The following CRACD variants were observed in gnomAD, a reference collection of about 807,000 sequenced individuals.
CRACD encodes capping protein-inhibiting regulator of actin dynamics.
In CRACD, 56 loss-of-function variants were observed where a neutral mutation model predicts 106.8. That is an observed-to-expected ratio of 0.52 (90% CI 0.42 to 0.66). CRACD has a LOEUF of 0.66. CRACD is among the 30% of genes least tolerant of loss of function. The pLI, the probability that CRACD is intolerant of heterozygous loss-of-function variation, is 0.00. For synonymous variants in CRACD, 754 were observed against 670.8 expected (o/e 1.12, Z -1.92); for missense variants, 1,730 against 1,623.2 (o/e 1.07, Z -1.13).
At chr4:56,176,518 TC>T (rs1228777089) in intron 1 of CRACD, among the ~76,000 whole-genome samples, 1 of 147,964 alleles carries the variant, frequency 6.8e-6, no homozygotes, top group Non-Finnish European at 1.5e-5. Flanking sequence ...AAGCTCCACC[TC>T]CCAGGTTCAC....
intron 1 of CRACD, among the ~76,000 whole-genome samples, chr4:56,156,403 C>T (rs1735765496): frequency 1.3e-5 from 2 of 152,200 alleles, no homozygotes; most frequent in Non-Finnish European, 2.9e-5. Flanking sequence ...CACAGGAGAT[C>T]TGACTTTACC....
chr4:56,053,848 A>G (rs1258209927), intron 1 of CRACD, among the ~76,000 whole-genome samples: 1 of 152,234 alleles, frequency 6.6e-6, no homozygotes, highest in Non-Finnish European at 1.5e-5. Context: ...TTGAGTAGCC[A>G]TATATTTCTG....
chr4:56,172,804 A>T (rs1240020312), intron 1 of CRACD, among the ~76,000 whole-genome samples: 3 of 152,204 alleles, frequency 2.0e-5, no homozygotes, highest in African/African-American at 7.2e-5. Context: ...TTGTATTTTT[A>T]GTAGAGACGG....
At chr4:56,214,681 C>CTCTCTCTATATATATATATATATATA in intron 2 of CRACD, among the ~76,000 whole-genome samples, 1 of 80,968 alleles carries the variant, frequency 1.2e-5, no homozygotes, top group African/African-American at 4.3e-5. Context: ...CTCTCTCTCT[C>CTCTCTCTATATATATATATATATATA]TATATATATA....
At chr4:56,185,057 C>T (rs991633699) in intron 2 of CRACD, among the ~76,000 whole-genome samples, 2 of 152,120 alleles carry the variant, frequency 1.3e-5, no homozygotes, top group African/African-American at 4.8e-5. Flanking sequence ...CCTGGGTTCA[C>T]GCCATTCTCC....
At chr4:56,116,344 C>T (rs1734276348) in intron 1 of CRACD, among the ~76,000 whole-genome samples, 1 of 152,192 alleles carries the variant, frequency 6.6e-6, no homozygotes, top group African/African-American at 2.4e-5. Flanking sequence ...ACAATCTACA[C>T]AATCACTGTA....
chr4:56,220,310 G>A (rs956827211), intron 2 of CRACD, among the ~76,000 whole-genome samples: 2 of 152,242 alleles, frequency 1.3e-5, no homozygotes, highest in Admixed American at 6.5e-5. Context: ...AGGGGAACTT[G>A]TGATTTCCAG....
intron 2 of CRACD, among the ~76,000 whole-genome samples, chr4:56,200,331 A>G (rs1170507302): frequency 6.6e-6 from 1 of 152,198 alleles, no homozygotes; most frequent in Admixed American, 6.5e-5. Flanking sequence ...ATCAGTTGGG[A>G]ACCCAGAACC....
chr4:56,311,891 G>A (rs1745181340), intron 6 of CRACD, among the ~76,000 whole-genome samples: 1 of 152,172 alleles, frequency 6.6e-6, no homozygotes, highest in Non-Finnish European at 1.5e-5. Flanking sequence ...CAGGCGTGGT[G>A]TCCTACCTTC....
intron 1 of CRACD, among the ~76,000 whole-genome samples, chr4:56,093,095 G>GT (rs1381550004): frequency 1.3e-5 from 2 of 152,086 alleles, no homozygotes. Context: ...TTCTGTGCTT[G>GT]TTTGTTTTTC....
chr4:56,144,660 CT>C (rs59754348), intron 1 of CRACD, among the ~76,000 whole-genome samples: 136 of 143,312 alleles, frequency 9.5e-4, no homozygotes, highest in Middle Eastern at 3.6e-3. Context: ...CTTTCTTCTT[CT>C]TTTTTTTTTT....
At position 56,257,047 on chromosome 4, in the gene CRACD, AAGTATTTTACCCTGC is replaced by A. The variant is rs575681631; in HGVS notation, c.-188-15268_-188-15254del. On this transcript the variant is annotated intron_variant, in intron 2 of 10. Coordinates refer to ENST00000682029, the MANE Select transcript of CRACD (RefSeq NM_001393381.1). ...AGGTAGCAGGCTCTGAAAGAAATGG[AAGTATTTTACCCTGC>A]AGTATATTTTGATGTTCTTTTTTTT... 9.6e-4 allele frequency among the ~76,000 whole-genome samples: 145 copies of A among 151,692 alleles called. 2 individuals are homozygous for A. Among genetic ancestry groups the A allele is most frequent in the African/African-American group, 3.3e-3 (136 of 41,378 alleles).
At chr4:56,154,599 C>G (rs1431657987) in intron 1 of CRACD, among the ~76,000 whole-genome samples, 1 of 152,060 alleles carries the variant, frequency 6.6e-6, no homozygotes, top group African/African-American at 2.4e-5. Context: ...ATGAAGAAAT[C>G]TGCATTATGA....
intron 8 of CRACD, 93 bp downstream of exon 8, chr4:56,316,782 T>A: frequency 7.1e-7 from 1 of 1,399,880 alleles, no homozygotes; most frequent in South Asian, 1.4e-5. Context: ...TGAGAATAAT[T>A]TACCAACAAT....
At chr4:56,055,725 G>A (rs187915621) in intron 1 of CRACD, among the ~76,000 whole-genome samples, 3 of 152,296 alleles carry the variant, frequency 2.0e-5, no homozygotes, top group Non-Finnish European at 4.4e-5. Context: ...AGTTTGTGAT[G>A]GGTTAACTGT....
chr4:56,100,259 A>G (rs762853704), intron 1 of CRACD, among the ~76,000 whole-genome samples: 4 of 152,032 alleles, frequency 2.6e-5, no homozygotes, highest in African/African-American at 9.7e-5. Context: ...ACGGGGGGGA[A>G]GGGGTGGAAA....
chr4:56,293,082 T>G (rs1285645177), intron 3 of CRACD, among the ~76,000 whole-genome samples: 1 of 152,184 alleles, frequency 6.6e-6, no homozygotes, highest in Non-Finnish European at 1.5e-5. Flanking sequence ...CTTCTGAAAT[T>G]AAGAACTCAG....
intron 5 of CRACD, chr4:56,308,708 G>T: frequency 1.0e-6 from 1 of 981,606 alleles, no homozygotes; most frequent in Non-Finnish European, 1.2e-6. Flanking sequence ...TGGCACCCAC[G>T]CATTGACACC....
intron 1 of CRACD, among the ~76,000 whole-genome samples, chr4:56,167,134 A>C (rs1419530787): frequency 6.6e-6 from 1 of 152,222 alleles, no homozygotes; most frequent in Admixed American, 6.5e-5. Context: ...TAATGAGAAA[A>C]GGAAATTTTA....
Sources: allele counts gnomAD v4.1 joint callset (sites outside exome capture counted in the v4.1 genomes callset), GRCh38; gene constraint gnomAD v4.1.1; transcripts MANE v1.5; gene names NCBI Gene and HGNC (gene_info 2026-07-23, HGNC 2026-07-21).